FAM135A: variants seen among roughly 807,000 people sequenced by gnomAD.
The protein encoded by FAM135A is protein FAM135A.
FAM135A carries 79 observed loss-of-function variants against 146.8 expected under a neutral mutation model. The observed-to-expected ratio is 0.54, with a 90% CI of 0.45 to 0.65. The LOEUF (loss-of-function observed/expected upper bound fraction) is 0.65, where lower values mean the gene tolerates loss of function less well. Among genes scored for constraint, FAM135A ranks in the 30% least tolerant of loss-of-function variants. The pLI, the probability that FAM135A is intolerant of heterozygous loss-of-function variation, is 0.00. For synonymous variants in FAM135A, 562 were observed against 603.6 expected (o/e 0.93, Z 1.01); for missense variants, 1,623 against 1,758.2 (o/e 0.92, Z 1.38).
intron 11 of FAM135A, among the ~76,000 whole-genome samples, chr6:70,496,951 C>A (rs926537874): frequency 3.9e-5 from 6 of 152,086 alleles, no homozygotes; most frequent in African/African-American, 1.4e-4. Flanking sequence ...ATGCCTCCAG[C>A]TTTGTTCTTT....
intron 10 of FAM135A, 34 bp from the exon 11 acceptor site, chr6:70,491,000 T>C (rs1785793362): frequency 1.4e-6 from 2 of 1,476,410 alleles, no homozygotes; most frequent in Non-Finnish European, 1.8e-6. Context: ...ATATCTAACA[T>C]TGGAATATTT....
chr6:70,454,429 AT>A (rs780580079), intron 5 of FAM135A, among the ~76,000 whole-genome samples: 2 of 152,168 alleles, frequency 1.3e-5, no homozygotes, highest in Non-Finnish European at 2.9e-5. Flanking sequence ...CCATTTGTCA[AT>A]TCTGGCTTTT....
chr6:70,540,762 C>A (rs1026176960), intron 20 of FAM135A, among the ~76,000 whole-genome samples: 2 of 152,140 alleles, frequency 1.3e-5, no homozygotes, highest in Admixed American at 6.5e-5. Flanking sequence ...TCTTGCAAAT[C>A]TATATTACTG....
intron 21 of FAM135A, chr6:70,557,327 TTTACTCATTTTATAACTAA>T (rs540166997): frequency 5.9e-6 from 1 of 170,652 alleles, no homozygotes; most frequent in African/African-American, 2.4e-5. Flanking sequence ...TTGAGTCCTG[TTTACTCATTTTATAACTAA>T]AGCCCAGAGA....
chr6:70,506,181 T>C (rs942360871), intron 12 of FAM135A, among the ~76,000 whole-genome samples: 1 of 152,112 alleles, frequency 6.6e-6, no homozygotes, highest in African/African-American at 2.4e-5. Context: ...TGATAAGCAT[T>C]AAAGGATCTC....
At position 70,524,615 on chromosome 6, in the gene FAM135A, A is replaced by G. The variant is rs773721278; in HGVS notation, c.1531A>G (p.Lys511Glu). 2 of 1,545,776 alleles carry G rather than the reference A, an allele frequency of 1.3e-6. No individual in the cohort carries two copies. Among genetic ancestry groups the G allele is most frequent in the South Asian group, 1.2e-5 (1 of 82,334 alleles). Reference sequence around the variant, plus strand: ...ATCTGAAAACACAAAAAAATTAATAAAACAGAACTCTAAGGATTCTGTGGT... The same window carrying G: ...ATCTGAAAACACAAAAAAATTAATAGAACAGAACTCTAAGGATTCTGTGGT... Reference protein sequence around the residue: ...MKSENTKKLIKQNSKDSVVLV... With the variant: ...MKSENTKKLIEQNSKDSVVLV... The change falls in exon 15 of 22, where the codon AAA becomes GAA. Residue 511 changes from lysine to glutamate, a missense_variant. Coordinates refer to ENST00000418814, the MANE Select transcript of FAM135A (RefSeq NM_001162529.3).
At chr6:70,461,355 A>T (rs1049745750) in intron 5 of FAM135A, among the ~76,000 whole-genome samples, 2 of 152,154 alleles carry the variant, frequency 1.3e-5, no homozygotes, top group African/African-American at 4.8e-5. Flanking sequence ...AAAGGGCTGT[A>T]TACCTTTTAT....
intron 20 of FAM135A, among the ~76,000 whole-genome samples, chr6:70,547,866 T>C (rs1465501629): frequency 6.6e-6 from 1 of 152,194 alleles, no homozygotes; most frequent in African/African-American, 2.4e-5. Context: ...GGTTAAACCA[T>C]GTCATCCTAT....
chr6:70,419,474 G>A (rs984894276), intron 2 of FAM135A, among the ~76,000 whole-genome samples: 1 of 152,026 alleles, frequency 6.6e-6, no homozygotes, highest in Admixed American at 6.6e-5. Context: ...CTTTAGAGAA[G>A]GCCCAAGAAC....
At chr6:70,519,675 A>T (rs528068448) in intron 12 of FAM135A, among the ~76,000 whole-genome samples, 16 of 152,372 alleles carry the variant, frequency 1.1e-4, no homozygotes, top group African/African-American at 3.4e-4. Flanking sequence ...ATTTTTAACA[A>T]TAAAATATTT....
chr6:70,480,251 T>G (rs1187616796), intron 8 of FAM135A, among the ~76,000 whole-genome samples: 1 of 152,148 alleles, frequency 6.6e-6, no homozygotes, highest in East Asian at 1.9e-4. Flanking sequence ...GCTGGAGGAT[T>G]GCTTGAGGCC....
At chr6:70,531,633 A>G (rs1795812092) in intron 16 of FAM135A, among the ~76,000 whole-genome samples, 1 of 152,190 alleles carries the variant, frequency 6.6e-6, no homozygotes, top group Admixed American at 6.5e-5. Flanking sequence ...GAACAAAATG[A>G]AGTTTTTCCT....
chr6:70,517,112 A>T (rs1792449944), intron 12 of FAM135A, among the ~76,000 whole-genome samples: 1 of 152,236 alleles, frequency 6.6e-6, no homozygotes, highest in South Asian at 2.1e-4. Flanking sequence ...ATAGTATATA[A>T]TTTGATGCTT....
intron 10 of FAM135A, among the ~76,000 whole-genome samples, chr6:70,486,651 G>A (rs111850546): frequency 7.2e-5 from 11 of 152,114 alleles, no homozygotes; most frequent in South Asian, 2.1e-4. Flanking sequence ...AAACCAGGCC[G>A]GGTGCGGTGA....
intron 4 of FAM135A, among the ~76,000 whole-genome samples, chr6:70,444,319 C>T (rs527703850): frequency 1.3e-5 from 2 of 152,282 alleles, no homozygotes; most frequent in African/African-American, 2.4e-5. Context: ...ATGAGAATTG[C>T]TTGAACCTGG....
At chr6:70,512,484 G>A (rs56753804) in intron 12 of FAM135A, among the ~76,000 whole-genome samples, 9,311 of 151,506 alleles carry the variant, frequency 0.061, 789 homozygotes, top group African/African-American at 0.19. Flanking sequence ...TAACATTAAC[G>A]TATGAGAGTT....
Position 70,533,214 on chromosome 6 carries a change from G to T in FAM135A, c.3830G>T (p.Gly1277Val). 1 of 1,613,272 alleles carries T rather than the reference G, an allele frequency of 6.2e-7. No homozygotes were observed. Among genetic ancestry groups the T allele is most frequent in the Non-Finnish European group, 8.5e-7 (1 of 1,179,598 alleles). Residue 1277 changes from glycine to valine, a missense_variant, in exon 17 of 22, where the codon GGG becomes GTG. Transcript: ENST00000418814. Reference sequence around the variant, plus strand: ...ACTTACATTGAACTTGGATTGCCTGGGGGAAGAATTGATTTTCTTATGTCT... The same window carrying T: ...ACTTACATTGAACTTGGATTGCCTGTGGGAAGAATTGATTTTCTTATGTCT... ...VKTYIELGLP[G>V]GRIDFLMSER...
chr6:70,520,658 CA>C (rs1793360102), intron 12 of FAM135A, among the ~76,000 whole-genome samples: 2 of 116,660 alleles, frequency 1.7e-5, no homozygotes, highest in Admixed American at 1.6e-4. Flanking sequence ...TGCCAAAATA[CA>C]TACATATACA....
intron 2 of FAM135A, among the ~76,000 whole-genome samples, chr6:70,422,241 G>GA (rs1769013355): frequency 6.6e-6 from 1 of 152,192 alleles, no homozygotes; most frequent in Non-Finnish European, 1.5e-5. Flanking sequence ...AGCAAGAACT[G>GA]ACTGGAGCTA....
Sources: allele counts gnomAD v4.1 joint callset (sites outside exome capture counted in the v4.1 genomes callset), GRCh38; gene constraint gnomAD v4.1.1; transcripts MANE v1.5; gene names NCBI Gene and HGNC (gene_info 2026-07-23, HGNC 2026-07-21).